The following MGMT variants were observed in gnomAD, a reference collection of about 807,000 sequenced individuals.
The protein encoded by MGMT is O-6-methylguanine-DNA methyltransferase.
Under a neutral mutation model 15.9 loss-of-function variants are expected in MGMT, and 14 were observed. The ratio of observed to expected loss-of-function variants is 0.88; its 90% CI spans 0.58 to 1.37. MGMT has a LOEUF of 1.37. Among genes scored for constraint, MGMT ranks in the 40% most tolerant of loss-of-function variants. MGMT has a pLI of 0.00. For synonymous variants in MGMT, 130 were observed against 118.2 expected (o/e 1.10, Z -0.65); for missense variants, 282 against 268.1 (o/e 1.05, Z -0.36).
At chr10:129,624,793 T>C (rs1026469632) in intron 2 of MGMT, among the ~76,000 whole-genome samples, 2 of 152,164 alleles carry the variant, frequency 1.3e-5, no homozygotes, top group African/African-American at 2.4e-5. Context: ...TGTGCAACCA[T>C]AGACTAAGGC....
At chr10:129,703,848 C>T (rs924801527) in intron 2 of MGMT, among the ~76,000 whole-genome samples, 2 of 152,124 alleles carry the variant, frequency 1.3e-5, no homozygotes, top group Admixed American at 6.5e-5. Context: ...GCTCTTGCTG[C>T]AGGAGGTGCC....
At chr10:129,594,681 C>G (rs1055057952) in intron 2 of MGMT, among the ~76,000 whole-genome samples, 2 of 152,182 alleles carry the variant, frequency 1.3e-5, no homozygotes, top group African/African-American at 2.4e-5. Context: ...AGTAACACCC[C>G]CAAAGAAACA....
intron 2 of MGMT, among the ~76,000 whole-genome samples, chr10:129,698,092 G>C (rs4750763): frequency 3.9e-5 from 6 of 152,072 alleles, no homozygotes; most frequent in African/African-American, 1.4e-4. Context: ...TCCAGAGCCT[G>C]CAGGGGTACC....
At chr10:129,687,493 C>T (rs913676805) in intron 2 of MGMT, among the ~76,000 whole-genome samples, 1 of 152,144 alleles carries the variant, frequency 6.6e-6, no homozygotes, top group African/African-American at 2.4e-5. Flanking sequence ...CAGTTGAATG[C>T]AAAGGCTTTT....
chr10:129,618,321 C>T (rs1004008425), intron 2 of MGMT, among the ~76,000 whole-genome samples: 6 of 152,040 alleles, frequency 3.9e-5, no homozygotes, highest in Non-Finnish European at 5.9e-5. Flanking sequence ...TGACAAATGA[C>T]CATGTATGCA....
chr10:129,660,294 G>A (rs750829379), intron 2 of MGMT, among the ~76,000 whole-genome samples: 3 of 151,928 alleles, frequency 2.0e-5, no homozygotes, highest in Non-Finnish European at 4.4e-5. Flanking sequence ...GTATCTCGGC[G>A]GATGGGCGAG....
At chr10:129,736,615 T>C (rs1458486200) in intron 3 of MGMT, among the ~76,000 whole-genome samples, 1 of 152,066 alleles carries the variant, frequency 6.6e-6, no homozygotes, top group African/African-American at 2.4e-5. Context: ...TGATGTTAGC[T>C]GGTTATTTTG....
At chr10:129,764,333 G>C (rs1231306125) in intron 4 of MGMT, among the ~76,000 whole-genome samples, 4 of 152,218 alleles carry the variant, frequency 2.6e-5, no homozygotes, top group African/African-American at 9.6e-5. Flanking sequence ...TCCAAGGGGG[G>C]CTGGGGCTTC....
At position 129,756,257 on chromosome 10, in the gene MGMT, C is replaced by T. The variant is rs572153329; in HGVS notation, c.275-2945C>T. Among the ~76,000 whole-genome samples, 23 of 152,276 alleles carry T rather than the reference C, an allele frequency of 1.5e-4. No individual in the cohort carries two copies. The East Asian group carries it at 3.7e-3, about 24-fold the overall frequency. ...CCAAGATGCAGGTCCTCTCCCTTGA[C>T]CCCAGCCACAGAAGCCCAGCCCAAG... is the stretch of plus-strand genomic sequence containing the variant. On this transcript the variant is annotated intron_variant, in intron 3 of 4. Coordinates refer to ENST00000651593, the MANE Select transcript of MGMT (RefSeq NM_002412.5).
At chr10:129,594,859 C>T (rs574142995) in intron 2 of MGMT, among the ~76,000 whole-genome samples, 2 of 152,198 alleles carry the variant, frequency 1.3e-5, no homozygotes, top group African/African-American at 4.8e-5. Flanking sequence ...GTAATATTCC[C>T]CTGCGAGTTA....
chr10:129,735,167 T>G (rs1433667799), intron 3 of MGMT, among the ~76,000 whole-genome samples: 1 of 152,234 alleles, frequency 6.6e-6, no homozygotes, highest in Non-Finnish European at 1.5e-5. Context: ...TCTGGTAGAA[T>G]TCGGCTGTGA....
At chr10:129,667,800 G>A (rs907505793) in intron 2 of MGMT, among the ~76,000 whole-genome samples, 3 of 152,196 alleles carry the variant, frequency 2.0e-5, no homozygotes, top group Non-Finnish European at 4.4e-5. Context: ...TCTTGTGTTT[G>A]TGTTCATGTA....
At chr10:129,502,054 G>A (rs1222762384) in intron 1 of MGMT, among the ~76,000 whole-genome samples, 1 of 152,242 alleles carries the variant, frequency 6.6e-6, no homozygotes, top group Non-Finnish European at 1.5e-5. Flanking sequence ...CATGAATCAA[G>A]GCCGCTGCTG....
chr10:129,655,020 A>T lies in MGMT; in HGVS notation c.126-52875A>T, dbSNP rs555035152. Among the ~76,000 whole-genome samples, 57 of 152,334 alleles carry T rather than the reference A, an allele frequency of 3.7e-4. No individual in the cohort carries two copies. The East Asian group carries it at 4.4e-3, about 12-fold the overall frequency. On this transcript the variant is annotated intron_variant, in intron 2 of 4. Coordinates refer to ENST00000651593, the MANE Select transcript of MGMT (RefSeq NM_002412.5). ...TGTGGAGCAGCAGTGGGAGGAAACC[A>T]TTCAGGCTCGATGGAGAGGGTGACC...
intron 3 of MGMT, among the ~76,000 whole-genome samples, chr10:129,738,922 C>T (rs892756397): frequency 2.0e-5 from 3 of 152,134 alleles, no homozygotes; most frequent in Non-Finnish European, 2.9e-5. Flanking sequence ...GCTGGCAAAC[C>T]GAATCCAGCA....
Position 129,566,638 on chromosome 10 carries a change from T to G in MGMT, c.125+30261T>G, listed in dbSNP as rs1400156844. Among the ~76,000 whole-genome samples, 1 of 152,060 alleles carries G rather than the reference T, an allele frequency of 6.6e-6. No homozygotes were observed. Among genetic ancestry groups the G allele is most frequent in the African/African-American group, 2.4e-5 (1 of 41,412 alleles). On this transcript the variant is annotated intron_variant, in intron 2 of 4. Transcript: ENST00000651593. The surrounding 1 kb of genome is among the most constrained non-coding windows in gnomAD (Gnocchi z 4.1). ...ACCCCTTTGCCCGTGGGATTTTTGC[T>G]GTTTCTCTTCTCCCACTGTTGGTCG... is the stretch of plus-strand genomic sequence containing the variant.
Position 129,766,928 on chromosome 10 carries a change from A to G in MGMT, c.555A>G (p.Ser185=). The change falls in exon 5 of 5, where the codon TCA becomes TCG. Residue 185 remains serine (S), a synonymous_variant. Coordinates refer to ENST00000651593, the MANE Select transcript of MGMT (RefSeq NM_002412.5). The part of the protein sequence containing the change: ...RLGKPGLGGS[S]GLAGAWLKGA... ...GGAAGCCAGGCTTGGGAGGGAGCTC[A>G]GGTCTGGCAGGGGCCTGGCTCAAGG... 2 of 1,613,302 alleles carry G rather than the reference A, an allele frequency of 1.2e-6. No homozygotes were observed. Among genetic ancestry groups the G allele is most frequent in the Non-Finnish European group, 1.7e-6 (2 of 1,179,964 alleles).
At chr10:129,544,471 C>A (rs55892108) in intron 2 of MGMT, among the ~76,000 whole-genome samples, 1 of 152,198 alleles carries the variant, frequency 6.6e-6, no homozygotes, top group East Asian at 1.9e-4. Flanking sequence ...GGTGTAGCCC[C>A]GTGCACAGTA....
chr10:129,558,282 T>C (rs533643380), intron 2 of MGMT, among the ~76,000 whole-genome samples: 2 of 152,348 alleles, frequency 1.3e-5, no homozygotes, highest in East Asian at 3.9e-4. Context: ...AAATCCTCAT[T>C]GAAATACTGC....
Sources: allele counts gnomAD v4.1 joint callset (sites outside exome capture counted in the v4.1 genomes callset), GRCh38; gene constraint gnomAD v4.1.1; non-coding constraint Gnocchi (gnomAD v3.1); transcripts MANE v1.5; gene names NCBI Gene and HGNC (gene_info 2026-07-23, HGNC 2026-07-21).